COL11A1: variants seen among roughly 807,000 people sequenced by gnomAD.
COL11A1 encodes the protein collagen alpha-1(XI) chain.
In COL11A1, 74 loss-of-function variants were observed where a neutral mutation model predicts 265.2. That is an observed-to-expected ratio of 0.28 (90% CI 0.23 to 0.34). The LOEUF (loss-of-function observed/expected upper bound fraction) is 0.34, where lower values mean the gene tolerates loss of function less well. Among genes scored for constraint, COL11A1 ranks in the 10% least tolerant of loss-of-function variants. The pLI, the probability that COL11A1 is intolerant of heterozygous loss-of-function variation, is 1.00. For synonymous variants in COL11A1, 816 were observed against 727.6 expected, an observed-to-expected ratio of 1.12 and a Z score of -1.96; for missense variants, 2,165 against 2,263.6, an observed-to-expected ratio of 0.96 and a Z score of 0.88.
At chr1:102,896,623 C>T (rs1035926856) in intron 57 of COL11A1, among the ~76,000 whole-genome samples, 1 of 152,146 alleles carries the variant, frequency 6.6e-6, no homozygotes, top group Non-Finnish European at 1.5e-5. Flanking sequence ...TCCGCTTTAC[C>T]TAAAGGATTT....
At chr1:102,890,374 AT>A in intron 58 of COL11A1, 76 bp downstream of exon 58, 8 of 1,319,544 alleles carry the variant, frequency 6.1e-6, no homozygotes. Context: ...CTTTTGAATG[AT>A]TTTAATCTGC....
At chr1:102,894,698 A>G (rs543124327) in intron 57 of COL11A1, among the ~76,000 whole-genome samples, 2 of 152,288 alleles carry the variant, frequency 1.3e-5, no homozygotes, top group South Asian at 2.1e-4. Flanking sequence ...AGTCCCACTT[A>G]AAAAAACAAA....
At chr1:103,033,228 C>CT (rs1272217588) in intron 4 of COL11A1, among the ~76,000 whole-genome samples, 1 of 152,052 alleles carries the variant, frequency 6.6e-6, no homozygotes, top group African/African-American at 2.4e-5. Flanking sequence ...GTTTATCTAT[C>CT]AGTTTCTGGA....
chr1:103,014,428 G>A, intron 13 of COL11A1, 83 bp downstream of exon 13: 1 of 1,092,502 alleles, frequency 9.2e-7, no homozygotes, highest in South Asian at 1.3e-5. Context: ...TATTAATAAT[G>A]GTAGCATCTT....
intron 46 of COL11A1, among the ~76,000 whole-genome samples, chr1:102,932,059 G>T (rs1049009799): frequency 2.8e-4 from 42 of 150,276 alleles, no homozygotes; most frequent in Middle Eastern, 3.5e-3. Flanking sequence ...TTGCCAGTCT[G>T]TGTCTTTTAA....
At chr1:102,964,294 A>G (rs916214666) in intron 38 of COL11A1, among the ~76,000 whole-genome samples, 2 of 152,220 alleles carry the variant, frequency 1.3e-5, no homozygotes, top group Admixed American at 6.5e-5. Flanking sequence ...TTTCTCACAG[A>G]AAATAGTTAT....
intron 63 of COL11A1, chr1:102,884,526 G>T (rs1407972610): frequency 2.0e-5 from 3 of 152,194 alleles, no homozygotes; most frequent in Non-Finnish European, 4.4e-5. Flanking sequence ...TGGGCTACTG[G>T]GCTCAAGCAT....
intron 49 of COL11A1, among the ~76,000 whole-genome samples, chr1:102,919,461 G>A (rs1009288274): frequency 4.0e-5 from 6 of 151,684 alleles, no homozygotes; most frequent in African/African-American, 1.4e-4. Context: ...TCATTTTTAA[G>A]AATAGAGTAA....
chr1:102,962,360 A>C, intron 39 of COL11A1, 95 bp from the exon 40 acceptor site: 1 of 973,432 alleles, frequency 1.0e-6, no homozygotes, highest in Non-Finnish European at 1.7e-6. Context: ...TGTAAGTAAA[A>C]TGTGAATATT....
intron 2 of COL11A1, 31 bp downstream of exon 2, chr1:103,082,774 A>C: frequency 6.4e-7 from 1 of 1,566,906 alleles, no homozygotes. Flanking sequence ...TTTTAGTAAT[A>C]ATAACAATAA....
At chr1:103,074,335 A>G (rs1671806589) in intron 4 of COL11A1, among the ~76,000 whole-genome samples, 1 of 152,052 alleles carries the variant, frequency 6.6e-6, no homozygotes, top group Non-Finnish European at 1.5e-5. Flanking sequence ...ACAAACTACT[A>G]AGAGTTAAGC....
chr1:102,962,879 A>T (rs762257688), intron 38 of COL11A1, 119 bp from the exon 39 acceptor site: 1 of 880,690 alleles, frequency 1.1e-6, no homozygotes, highest in Non-Finnish European at 1.8e-6. Context: ...TATTCTCATG[A>T]TGTCCTACAA....
intron 4 of COL11A1, among the ~76,000 whole-genome samples, chr1:103,036,171 C>T (rs909535231): frequency 2.0e-5 from 3 of 151,288 alleles, no homozygotes; most frequent in African/African-American, 7.3e-5. Flanking sequence ...AATTGTGCAT[C>T]ACTTAATTTA....
At position 102,914,827 on chromosome 1, in the gene COL11A1, A is replaced by AG. The variant is rs773173330; in HGVS notation, c.3817-17_3817-16insC. 1.4e-3 allele frequency: 2,129 copies of AG among 1,567,988 alleles called. 30 individuals are homozygous for AG. The highest frequency in any genetic ancestry group is 7.7e-5 in the Non-Finnish European group (88 of 1,145,048). On this transcript the variant is annotated splice_polypyrimidine_tract_variant and intron_variant, in intron 50 of 66. Transcript: ENST00000370096. ...CTTTGGGACCCTAAACAATGTTAAA[A>AG]AAAAAAAAAGAAGAAGAAGGAAAGA...
chr1:102,902,879 T>TC (rs559931357), intron 54 of COL11A1, among the ~76,000 whole-genome samples: 22 of 151,270 alleles, frequency 1.5e-4, no homozygotes, highest in African/African-American at 4.4e-4. Flanking sequence ...TACACACACA[T>TC]ATATATATAC....
Position 103,025,581 on chromosome 1 carries a change from G to A in COL11A1, c.930C>T (p.Asn310=). The A allele has an allele frequency of 6.2e-7, 1 of 1,613,694 alleles. No individual in the cohort carries two copies. Among genetic ancestry groups the A allele is most frequent in the Non-Finnish European group, 8.5e-7 (1 of 1,179,802 alleles). ...ANIVDDFQEY[N]YGTMESYQTE... is the part of the protein sequence containing the mutation. ...TCTGGTAACTTTCCATTGTTCCATA[G>A]TTGTATTCTTGAAAATCATCAACGA... is the stretch of plus-strand genomic sequence containing the variant. The change falls in exon 7 of 67, where the codon AAC becomes AAT. Residue 310 remains asparagine, a synonymous_variant. Coordinates refer to ENST00000370096, the MANE Select transcript of COL11A1 (RefSeq NM_001854.4).
At chr1:102,987,420 GT>G (rs1417613011) in intron 30 of COL11A1, among the ~76,000 whole-genome samples, 1 of 150,744 alleles carries the variant, frequency 6.6e-6, no homozygotes, top group Non-Finnish European at 1.5e-5. Context: ...AAAATTTAAG[GT>G]GTCACTAAAT....
intron 63 of COL11A1, chr1:102,884,446 A>C (rs534525018): frequency 1.4e-4 from 22 of 152,362 alleles, no homozygotes; most frequent in Admixed American, 1.2e-3. Flanking sequence ...AGGGAATGGC[A>C]GTCTTCCTGT....
chr1:102,951,977 T>G (rs1227671253), intron 41 of COL11A1, among the ~76,000 whole-genome samples: 1 of 152,156 alleles, frequency 6.6e-6, no homozygotes, highest in Non-Finnish European at 1.5e-5. Flanking sequence ...CTTATTAAAT[T>G]TATACCGAAG....
Sources: allele counts gnomAD v4.1 joint callset (sites outside exome capture counted in the v4.1 genomes callset), GRCh38; gene constraint gnomAD v4.1.1; transcripts MANE v1.5; gene names NCBI Gene and HGNC (gene_info 2026-07-23, HGNC 2026-07-21).